ELMO1: variants seen among roughly 807,000 people sequenced by gnomAD.
ELMO1 encodes engulfment and cell motility 1.
A neutral mutation model predicts 98.9 loss-of-function variants in ELMO1; 26 were observed. The ratio of observed to expected loss-of-function variants is 0.26; its 90% CI spans 0.19 to 0.36. The LOEUF is 0.36. Among genes scored for constraint, ELMO1 ranks in the 10% least tolerant of loss-of-function variants. The pLI is 1.00. For synonymous variants in ELMO1, 346 were observed against 346.0 expected (o/e 1.00, Z 0.00); for missense variants, 627 against 935.2 (o/e 0.67, Z 4.30).
chr7:37,161,646 G>C (rs1453893733), intron 13 of ELMO1, among the ~76,000 whole-genome samples: 1 of 151,442 alleles, frequency 6.6e-6, no homozygotes, highest in Non-Finnish European at 1.5e-5. Flanking sequence ...CCTGACTTTT[G>C]AGTGCTGACC....
intron 5 of ELMO1, among the ~76,000 whole-genome samples, chr7:37,260,072 T>C (rs1795902242): frequency 6.6e-6 from 1 of 152,214 alleles, no homozygotes. Flanking sequence ...GCTGAACTTC[T>C]GGGTAATAAT....
At chr7:37,294,743 T>C (rs1797945785) in intron 4 of ELMO1, among the ~76,000 whole-genome samples, 1 of 152,230 alleles carries the variant, frequency 6.6e-6, no homozygotes, top group Admixed American at 6.5e-5. Flanking sequence ...CTCACGCCTG[T>C]AATCCCAACA....
At chr7:37,140,149 G>A (rs1423140513) in intron 13 of ELMO1, among the ~76,000 whole-genome samples, 1 of 151,798 alleles carries the variant, frequency 6.6e-6, no homozygotes, top group East Asian at 1.9e-4. Flanking sequence ...GCCATGGTGG[G>A]CAGATCACGA....
At chr7:37,060,484 A>T (rs1166397591) in intron 15 of ELMO1, among the ~76,000 whole-genome samples, 3 of 152,174 alleles carry the variant, frequency 2.0e-5, no homozygotes, top group African/African-American at 7.2e-5. Context: ...AAAGAGGAGA[A>T]TAACAGACAC....
At chr7:37,435,759 C>T (rs1011554849) in intron 1 of ELMO1, among the ~76,000 whole-genome samples, 7 of 152,190 alleles carry the variant, frequency 4.6e-5, no homozygotes, top group East Asian at 1.9e-4. Context: ...TATATGACAA[C>T]GCTTATGACT....
intron 16 of ELMO1, among the ~76,000 whole-genome samples, chr7:36,896,680 G>T (rs529339969): frequency 1.3e-5 from 2 of 151,452 alleles, no homozygotes; most frequent in African/African-American, 4.8e-5. Flanking sequence ...TTTTTTGTTT[G>T]TTTTTTTTTT....
intron 2 of ELMO1, among the ~76,000 whole-genome samples, chr7:37,334,130 A>G (rs908753863): frequency 6.6e-6 from 1 of 152,156 alleles, no homozygotes; most frequent in Admixed American, 6.5e-5. Context: ...TCCTCTGTGT[A>G]TTTTCAACAT....
chr7:37,121,081 A>C (rs1395720488), intron 14 of ELMO1, among the ~76,000 whole-genome samples: 2 of 152,216 alleles, frequency 1.3e-5, no homozygotes, highest in African/African-American at 4.8e-5. Context: ...GTTAGAAGGA[A>C]AACTAACAAA....
At chr7:37,129,285 G>A (rs563004550) in intron 14 of ELMO1, among the ~76,000 whole-genome samples, 25 of 152,254 alleles carry the variant, frequency 1.6e-4, no homozygotes, top group South Asian at 1.2e-3. Context: ...CAACTGGCAC[G>A]GAAGATGGGT....
intron 15 of ELMO1, among the ~76,000 whole-genome samples, chr7:37,058,993 G>A (rs1796532803): frequency 6.6e-6 from 1 of 152,122 alleles, no homozygotes. Context: ...CGCCACACAC[G>A]AGGCATCCCA....
At chr7:37,057,386 T>C (rs765792456) in intron 15 of ELMO1, among the ~76,000 whole-genome samples, 50 of 152,218 alleles carry the variant, frequency 3.3e-4, no homozygotes, top group Non-Finnish European at 1.6e-4. Context: ...AGGCACAGCC[T>C]GCCCTTTGTG....
intron 4 of ELMO1, among the ~76,000 whole-genome samples, chr7:37,302,562 G>A (rs896355900): frequency 1.3e-5 from 2 of 152,024 alleles, no homozygotes; most frequent in Non-Finnish European, 2.9e-5. Flanking sequence ...CCCAGTCTTT[G>A]AGGCATCCAA....
chr7:37,148,504 G>C (rs1171576381), intron 13 of ELMO1, among the ~76,000 whole-genome samples: 1 of 152,026 alleles, frequency 6.6e-6, no homozygotes, highest in Non-Finnish European at 1.5e-5. Flanking sequence ...AAGACTTCCT[G>C]AATAAAAGAA....
At chr7:37,104,034 A>G (rs897427439) in intron 14 of ELMO1, among the ~76,000 whole-genome samples, 1 of 146,204 alleles carries the variant, frequency 6.8e-6, no homozygotes, top group African/African-American at 2.6e-5. Flanking sequence ...AAAAAAAAAA[A>G]AAAAAAAAAG....
chr7:36,913,504 T>C (rs558227951), intron 16 of ELMO1, among the ~76,000 whole-genome samples: 2 of 152,336 alleles, frequency 1.3e-5, no homozygotes, highest in South Asian at 4.1e-4. Context: ...AAGCCGAGGA[T>C]ACAGTGGAAG....
intron 14 of ELMO1, among the ~76,000 whole-genome samples, chr7:37,104,350 C>G (rs142256420): frequency 1.1e-3 from 168 of 151,504 alleles, no homozygotes; most frequent in African/African-American, 3.8e-3. Context: ...TAATGTGTGT[C>G]AGAATCACCT....
At chr7:37,098,220 G>C (rs1429211172) in intron 14 of ELMO1, among the ~76,000 whole-genome samples, 1 of 152,136 alleles carries the variant, frequency 6.6e-6, no homozygotes, top group Non-Finnish European at 1.5e-5. Context: ...GCAGGGACAG[G>C]TGTTTTATTC....
intron 13 of ELMO1, among the ~76,000 whole-genome samples, chr7:37,140,586 G>A (rs1389348066): frequency 1.3e-5 from 2 of 152,160 alleles, no homozygotes; most frequent in African/African-American, 4.8e-5. Flanking sequence ...AATCAGCAGA[G>A]TTAACAGACA....
chr7:37,274,049 T>A (rs1368354166), intron 4 of ELMO1, among the ~76,000 whole-genome samples: 1 of 152,160 alleles, frequency 6.6e-6, no homozygotes, highest in Non-Finnish European at 1.5e-5. Context: ...TTCAGCCCAG[T>A]GTAGAGCATC....
Sources: allele counts gnomAD v4.1 joint callset (sites outside exome capture counted in the v4.1 genomes callset), GRCh38; gene constraint gnomAD v4.1.1; transcripts MANE v1.5; gene names NCBI Gene and HGNC (gene_info 2026-07-23, HGNC 2026-07-21).